The following PTPRD variants were observed in gnomAD, a reference collection of about 807,000 sequenced individuals.
PTPRD encodes receptor-type tyrosine-protein phosphatase delta.
PTPRD carries 34 observed loss-of-function variants against 214.5 expected under a neutral mutation model. That is an observed-to-expected ratio of 0.16 (90% confidence interval 0.12 to 0.21). The LOEUF (loss-of-function observed/expected upper bound fraction) is 0.21. PTPRD is among the 10% of genes least tolerant of loss of function. The pLI is 1.00. For synonymous variants in PTPRD, 1,128 were observed against 845.7 expected (o/e 1.33, Z -5.79); for missense variants, 2,545 against 2,398.7 (o/e 1.06, Z -1.27).
chr9:8,726,120 A>G (rs962562578), intron 12 of PTPRD, among the ~76,000 whole-genome samples: 1 of 152,082 alleles, frequency 6.6e-6, no homozygotes, highest in African/African-American at 2.4e-5. Context: ...AGAATATACT[A>G]AATTTTAGGT....
intron 3 of PTPRD, among the ~76,000 whole-genome samples, chr9:10,111,903 C>G (rs2098694563): frequency 6.6e-6 from 1 of 152,200 alleles, no homozygotes. Flanking sequence ...CAATGGTACA[C>G]TAAGACTAGC....
At chr9:8,410,411 T>C (rs1307894724) in intron 35 of PTPRD, among the ~76,000 whole-genome samples, 4 of 152,172 alleles carry the variant, frequency 2.6e-5, no homozygotes. Context: ...CTGTGTTCCC[T>C]TTTCCTCTTA....
At chr9:8,921,950 A>G (rs1364467938) in intron 11 of PTPRD, among the ~76,000 whole-genome samples, 1 of 152,192 alleles carries the variant, frequency 6.6e-6, no homozygotes, top group African/African-American at 2.4e-5. Context: ...AGGCAAAATA[A>G]AAACAATAAA....
chr9:9,208,197 G>C (rs1173285601), intron 9 of PTPRD, among the ~76,000 whole-genome samples: 1 of 151,252 alleles, frequency 6.6e-6, no homozygotes, highest in African/African-American at 2.4e-5. Context: ...TGTAGTTTTA[G>C]TCGAGACGGG....
chr9:8,721,241 CA>C, intron 12 of PTPRD, among the ~76,000 whole-genome samples: 1 of 151,640 alleles, frequency 6.6e-6, no homozygotes, highest in South Asian at 2.1e-4. Flanking sequence ...CTAGCCTGCC[CA>C]ACATGGCAAA....
chr9:9,412,531 C>G (rs1312422815), intron 8 of PTPRD, among the ~76,000 whole-genome samples: 1 of 152,048 alleles, frequency 6.6e-6, no homozygotes, highest in Admixed American at 6.6e-5. Flanking sequence ...TTCACATTTC[C>G]TACAGTTACT....
At chr9:10,368,180 T>C (rs193123235) in intron 2 of PTPRD, among the ~76,000 whole-genome samples, 14 of 152,278 alleles carry the variant, frequency 9.2e-5, no homozygotes, top group Middle Eastern at 3.4e-3. Flanking sequence ...ACAAAAATGA[T>C]GAGTTTTCCT....
chr9:8,643,259 C>T (rs12348522), intron 12 of PTPRD, among the ~76,000 whole-genome samples: 73,112 of 151,776 alleles, frequency 0.48, 17,849 homozygotes, highest in East Asian at 0.58. Context: ...ATCTTATATA[C>T]GGTGTTTTCA....
chr9:9,597,227 C>A (rs548956563), intron 7 of PTPRD, among the ~76,000 whole-genome samples: 1 of 152,004 alleles, frequency 6.6e-6, no homozygotes, highest in African/African-American at 2.4e-5. Context: ...ACAGATATAA[C>A]CTCCCCCACC....
At chr9:9,458,532 T>C (rs2145747490) in intron 8 of PTPRD, among the ~76,000 whole-genome samples, 1 of 152,156 alleles carries the variant, frequency 6.6e-6, no homozygotes, top group South Asian at 2.1e-4. Flanking sequence ...AAGTGAAAAA[T>C]ATTGTGTCAG....
At chr9:9,020,838 C>G (rs1013321556) in intron 10 of PTPRD, among the ~76,000 whole-genome samples, 6 of 152,104 alleles carry the variant, frequency 3.9e-5, no homozygotes, top group African/African-American at 1.4e-4. Flanking sequence ...GATAAAAGCA[C>G]CCAGAGTCAA....
chr9:9,922,999 T>C (rs534945406), intron 5 of PTPRD, among the ~76,000 whole-genome samples: 18 of 152,130 alleles, frequency 1.2e-4, no homozygotes, highest in African/African-American at 4.3e-4. Flanking sequence ...TACTGAATCT[T>C]ACTACCATAC....
At chr9:8,968,492 T>C (rs1411962470) in intron 11 of PTPRD, among the ~76,000 whole-genome samples, 1 of 152,082 alleles carries the variant, frequency 6.6e-6, no homozygotes, top group Non-Finnish European at 1.5e-5. Flanking sequence ...GATTTGCATT[T>C]CTCTGATCGC....
At chr9:10,259,947 C>T (rs1224409297) in intron 3 of PTPRD, among the ~76,000 whole-genome samples, 1 of 152,174 alleles carries the variant, frequency 6.6e-6, no homozygotes, top group African/African-American at 2.4e-5. Flanking sequence ...CCCGTTTCAA[C>T]CACACTCCCT....
chr9:9,439,216 T>G (rs1482577718), intron 8 of PTPRD, among the ~76,000 whole-genome samples: 1 of 151,998 alleles, frequency 6.6e-6, no homozygotes, highest in Non-Finnish European at 1.5e-5. Context: ...TCAATAGAAG[T>G]TTGAAGCATA....
At chr9:9,689,144 TA>T (rs2097217501) in intron 7 of PTPRD, among the ~76,000 whole-genome samples, 2 of 151,894 alleles carry the variant, frequency 1.3e-5, no homozygotes, top group African/African-American at 4.8e-5. Context: ...TGTATAACGA[TA>T]AAAATTATGG....
chr9:10,141,438 G>C (rs1284948414), intron 3 of PTPRD, among the ~76,000 whole-genome samples: 1 of 151,850 alleles, frequency 6.6e-6, no homozygotes, highest in Non-Finnish European at 1.5e-5. Context: ...AAAATCACAA[G>C]CACTCTTATA....
intron 2 of PTPRD, among the ~76,000 whole-genome samples, chr9:10,464,488 AAGATG>A (rs2098980444): frequency 4.6e-5 from 3 of 65,646 alleles, no homozygotes; most frequent in Non-Finnish European, 1.7e-4. Flanking sequence ...GAAAGACAGG[AAGATG>A]AAGATGAAGA....
At chr9:9,694,358 C>T (rs145091439) in intron 7 of PTPRD, among the ~76,000 whole-genome samples, 1 of 152,002 alleles carries the variant, frequency 6.6e-6, no homozygotes, top group Non-Finnish European at 1.5e-5. Flanking sequence ...GAATTCTCTA[C>T]ATTGCTAGGC....
Sources: allele counts gnomAD v4.1 joint callset (sites outside exome capture counted in the v4.1 genomes callset), GRCh38; gene constraint gnomAD v4.1.1; transcripts MANE v1.5; gene names NCBI Gene and HGNC (gene_info 2026-07-23, HGNC 2026-07-21).